Variants in USP28 observed in about 807,000 individuals in gnomAD.
USP28 encodes ubiquitin carboxyl-terminal hydrolase 28.
In USP28, 113 loss-of-function variants were observed where a neutral mutation model predicts 145.0. That is an observed-to-expected ratio of 0.78 (90% CI 0.67 to 0.91). The LOEUF (loss-of-function observed/expected upper bound fraction) is 0.91, where lower values mean the gene tolerates loss of function less well. USP28 is among the 40% of genes least tolerant of loss of function. The pLI is 0.00. For synonymous variants in USP28, 447 were observed against 450.9 expected (o/e 0.99, Z 0.11); for missense variants, 1,201 against 1,289.6 (o/e 0.93, Z 1.05).
In USP28 at chr11:113,813,914, G is replaced by A. The variant is rs769304921; in HGVS notation, c.1714C>T (p.Gln572Ter). Residue 572 changes from glutamine (Q) to a stop codon, truncating the protein, a stop_gained, in exon 15 of 25, where the codon CAG becomes TAG. Transcript: ENST00000003302. LOFTEE classifies it high-confidence loss of function. The stretch of plus-strand genomic sequence containing the variant: ...CGAAGGAGAGGATCGCAGTACATCT[G>A]TTCAATAGTCTGAGTAGTACTTGCA... 2 of 1,612,516 alleles carry A rather than the reference G, an allele frequency of 1.2e-6. No individual in the cohort carries two copies. Among genetic ancestry groups the A allele is most frequent in the Non-Finnish European group, 1.7e-6 (2 of 1,179,538 alleles).
rs148713844 is a variant in USP28 at position 113,800,667 on chromosome 11, G to A, written c.3058+816C>T. On this transcript the variant is annotated intron_variant, in intron 24 of 24. Transcript: ENST00000003302. ...ATCAGAATATATAACAATTTTCCAA[G>A]TCTACTGAACTCACCTAAAAACAAC... is the stretch of plus-strand genomic sequence containing the variant. Among the ~76,000 whole-genome samples the A allele has an allele frequency of 3.3e-5, 5 of 152,160 alleles. No homozygotes were observed. In the East Asian group the frequency reaches 7.7e-4, roughly 24 times the overall value.
intron 1 of USP28, among the ~76,000 whole-genome samples, chr11:113,861,242 G>A (rs935603427): frequency 6.6e-6 from 1 of 151,820 alleles, no homozygotes; most frequent in African/African-American, 2.4e-5. Context: ...TTTTCTTCCA[G>A]CAACAATGCC....
chr11:113,806,620 A>G, intron 18 of USP28, 36 bp from the exon 20 acceptor site: 1 of 1,438,320 alleles, frequency 7.0e-7, no homozygotes, highest in South Asian at 1.3e-5. Context: ...GAGAGAAAGG[A>G]GAGAAGAAAG....
chr11:113,846,597 T>TTC (rs1945876596), intron 3 of USP28, among the ~76,000 whole-genome samples: 2 of 152,230 alleles, frequency 1.3e-5, no homozygotes, highest in African/African-American at 4.8e-5. Context: ...GAACTCTACA[T>TTC]TTAAGAATGG....
At chr11:113,822,700 G>T (rs1017752315) in intron 12 of USP28, among the ~76,000 whole-genome samples, 4 of 152,302 alleles carry the variant, frequency 2.6e-5, no homozygotes, top group African/African-American at 9.6e-5. Flanking sequence ...AATACTAACA[G>T]ACTTAAAAGT....
intron 1 of USP28, among the ~76,000 whole-genome samples, chr11:113,857,832 A>G (rs76798854): frequency 7.0e-4 from 106 of 152,330 alleles, no homozygotes; most frequent in African/African-American, 2.4e-3. Flanking sequence ...ATCTGGGATA[A>G]CACAATCAGG....
At chr11:113,809,320 G>C (rs1315926778) in intron 16 of USP28, 66 bp from the exon 17 acceptor site, 10 of 1,485,848 alleles carry the variant, frequency 6.7e-6, no homozygotes, top group Non-Finnish European at 9.2e-6. Context: ...TAGAAAAGAA[G>C]AAAGCAGGGT....
chr11:113,827,496 C>CT (rs1306119104), intron 10 of USP28, 136 bp from the exon 11 acceptor site: 43 of 815,232 alleles, frequency 5.3e-5, no homozygotes, highest in Admixed American at 1.1e-4. Flanking sequence ...CATACTAGAA[C>CT]TTTTTTTTAT....
At chr11:113,861,044 T>C (rs1486531784) in intron 1 of USP28, among the ~76,000 whole-genome samples, 1 of 149,232 alleles carries the variant, frequency 6.7e-6, no homozygotes, top group African/African-American at 2.5e-5. Context: ...GGCGTGAACC[T>C]GGAGGTGGAG....
At chr11:113,864,919 C>T (rs887710249) in intron 1 of USP28, among the ~76,000 whole-genome samples, 1 of 152,116 alleles carries the variant, frequency 6.6e-6, no homozygotes, top group African/African-American at 2.4e-5. Flanking sequence ...ACACCTCAAC[C>T]TCCACCCTGT....
At chr11:113,858,364 T>C (rs1368157979) in intron 1 of USP28, among the ~76,000 whole-genome samples, 1 of 152,200 alleles carries the variant, frequency 6.6e-6, no homozygotes, top group Admixed American at 6.5e-5. Context: ...CATTCTCTCA[T>C]GCATAGACTG....
At chr11:113,823,326 A>G (rs1049973189) in intron 12 of USP28, among the ~76,000 whole-genome samples, 8 of 152,136 alleles carry the variant, frequency 5.3e-5, no homozygotes, top group Admixed American at 5.2e-4. Context: ...GGAGTAGAAA[A>G]AAAGTCTATA....
chr11:113,836,611 T>G lies in USP28; in HGVS notation c.535-2276A>C, dbSNP rs185944197. On this transcript the variant is annotated intron_variant, in intron 5 of 24. Coordinates refer to ENST00000003302, the Ensembl canonical transcript of USP28. ...CCAATCCCTGAGGACATCCTGTCAG[T>G]GCTGCCTTGAGAATATATCAAGAAC... Among the ~76,000 whole-genome samples, 93 of 152,296 alleles carry G rather than the reference T, an allele frequency of 6.1e-4. 1 individual carries two copies. Among genetic ancestry groups the G allele is most frequent in the East Asian group, 1.5e-3 (8 of 5,186 alleles).
exon 25 of USP28, chr11:113,798,193 T>A (rs1938292679): frequency 6.7e-6 from 1 of 149,002 alleles, no homozygotes; most frequent in South Asian, 2.1e-4. Flanking sequence ...GGCAGATAGA[T>A]CACTTGAGGC....
chr11:113,807,800 G>A (rs973021637), intron 18 of USP28, among the ~76,000 whole-genome samples, 151 bp downstream of exon 19: 4 of 152,000 alleles, frequency 2.6e-5, no homozygotes, highest in Non-Finnish European at 5.9e-5. Flanking sequence ...TTTAAATAAT[G>A]GTAACTAAGG....
intron 1 of USP28, among the ~76,000 whole-genome samples, chr11:113,872,313 C>T (rs986560288): frequency 1.1e-4 from 16 of 152,002 alleles, no homozygotes; most frequent in African/African-American, 3.9e-4. Context: ...TGTGAAACCC[C>T]GTCTCTACTA....
intron 1 of USP28, among the ~76,000 whole-genome samples, chr11:113,864,518 G>A (rs1948074959): frequency 1.3e-5 from 2 of 152,222 alleles, no homozygotes; most frequent in African/African-American, 4.8e-5. Context: ...GGAAAGTTGA[G>A]TGTGTAAGTT....
chr11:113,874,141 G>GAAA (rs552125095), intron 1 of USP28, among the ~76,000 whole-genome samples: 2 of 83,436 alleles, frequency 2.4e-5, no homozygotes, highest in Non-Finnish European at 4.7e-5. Flanking sequence ...ACTCCGTCTG[G>GAAA]AAAAAAAAAA....
chr11:113,804,286 T>G (rs1939557999), intron 21 of USP28, among the ~76,000 whole-genome samples: 1 of 152,234 alleles, frequency 6.6e-6, no homozygotes, highest in South Asian at 2.1e-4. Context: ...GTGTGGTGAA[T>G]ACACCTTGGG....
Sources: allele counts gnomAD v4.1 joint callset (sites outside exome capture counted in the v4.1 genomes callset), GRCh38; gene constraint gnomAD v4.1.1; transcripts MANE v1.5; gene names NCBI Gene and HGNC (gene_info 2026-07-23, HGNC 2026-07-21).